Variants in MPP3 observed in about 807,000 individuals in gnomAD.
MPP3 encodes the protein MAGUK p55 scaffold protein 3, also known as MAGUK p55 subfamily member 3.
Under a neutral mutation model 80.7 loss-of-function variants are expected in MPP3, and 48 were observed. The ratio of observed to expected loss-of-function variants is 0.59; its 90% CI spans 0.47 to 0.76. The LOEUF (loss-of-function observed/expected upper bound fraction) is 0.76. Among genes scored for constraint, MPP3 ranks in the 30% least tolerant of loss-of-function variants. The pLI, the probability that MPP3 is intolerant of heterozygous loss-of-function variation, is 0.00. For missense variants in MPP3, 620 were observed against 763.0 expected (o/e 0.81, Z 2.21); for synonymous variants, 311 against 297.6 (o/e 1.04, Z -0.46).
rs1213099937 is a variant in MPP3 at position 43,820,336 on chromosome 17, C to T, written c.881+526G>A. 3.3e-5 allele frequency among the ~76,000 whole-genome samples: 5 copies of T among 152,220 alleles called. No homozygotes were observed. The Middle Eastern group carries it at 0.01, about 311-fold the overall frequency. Reference sequence around the variant, plus strand: ...TTAACTTAGGCTGGATCCAGTGGCTCATGCCTGTAATCCTAGCACTTTGGG... The same window carrying T: ...TTAACTTAGGCTGGATCCAGTGGCTTATGCCTGTAATCCTAGCACTTTGGG... On this transcript the variant is annotated intron_variant, in intron 11 of 19. Transcript: ENST00000398389.
chr17:43,806,753 C>T lies in MPP3; in HGVS notation c.1581+2203G>A, dbSNP rs143536855. On this transcript the variant is annotated intron_variant, in intron 19 of 19. Transcript: ENST00000398389. ...CCTCCCAAATAGCTGGGATTACAGG[C>T]GCGTGCCACCACACCCAGCTAATTT... Among the ~76,000 whole-genome samples, 946 of 151,862 alleles carry T rather than the reference C, an allele frequency of 6.2e-3. 11 individuals carry two copies. The highest frequency in any genetic ancestry group is 0.021 in the African/African-American group (884 of 41,402).
chr17:43,810,964 A>T (rs1281390041), intron 17 of MPP3, 49 bp from the exon 18 acceptor site: 1 of 1,504,710 alleles, frequency 6.6e-7, no homozygotes, highest in Non-Finnish European at 9.1e-7. Context: ...CAGCTTTCCT[A>T]AATTAGCAAA....
chr17:43,829,666 G>A lies in MPP3; in HGVS notation c.429C>T (p.Asn143=), dbSNP rs985569113. The A allele has an allele frequency of 1.2e-6, 2 of 1,613,978 alleles. No homozygotes were observed. Among genetic ancestry groups the A allele is most frequent in the South Asian group, 1.1e-5 (1 of 91,074 alleles). The change falls in exon 7 of 20, where the codon AAC becomes AAT. Residue 143 remains asparagine (N), a synonymous_variant. Transcript: ENST00000398389. ...CAGCAGCACCTACCAGGGGTTCCTT[G>A]TTCTTCACCAAGCGGACGATCTTCA... ...ESVKIVRLVK[N]KEPLGATIRR...
rs760120003 is a variant in MPP3, at chr17:43,823,947, C to T, written c.668G>A (p.Arg223His). 9.9e-6 allele frequency: 16 copies of T among 1,611,068 alleles called. No homozygotes were observed. The highest frequency in any genetic ancestry group is 1.2e-5 in the Non-Finnish European group (14 of 1,178,794). Residue 223 changes from arginine to histidine, a missense_variant, in exon 10 of 20, where the codon CGC becomes CAC. Coordinates refer to ENST00000398389, the MANE Select transcript of MPP3 (RefSeq NM_001932.6). ...KIIPATQEED[R>H]LKESKVFMRA... Reference sequence around the variant, plus strand: ...TCCCCATACCTTGCTCTCCTTTAAGCGATCTTCCTCCTGGGTGGCTGGGAT... The same window carrying T: ...TCCCCATACCTTGCTCTCCTTTAAGTGATCTTCCTCCTGGGTGGCTGGGAT...
intron 2 of MPP3, 159 bp from the exon 3 acceptor site, chr17:43,832,102 G>A (rs1382916684): frequency 1.6e-6 from 1 of 640,878 alleles, no homozygotes; most frequent in Admixed American, 2.9e-5. Flanking sequence ...AGGAAATAAA[G>A]CTAAGATGTG....
chr17:43,811,082 G>A lies in MPP3; in HGVS notation c.1349+30C>T, dbSNP rs531268339. On this transcript the variant is annotated intron_variant, in intron 17 of 19. Coordinates refer to ENST00000398389, the MANE Select transcript of MPP3 (RefSeq NM_001932.6). Reference sequence around the variant, plus strand: ...AGATACAAAAACACACAACTGCCTGGAGGGCCAACTGGCCCATCAAGCAAC... The same window carrying A: ...AGATACAAAAACACACAACTGCCTGAAGGGCCAACTGGCCCATCAAGCAAC... 1.1e-5 allele frequency: 18 copies of A among 1,582,984 alleles called. No individual in the cohort carries two copies. In the South Asian group the frequency reaches 1.9e-4, roughly 17 times the overall value.
At position 43,811,486 on chromosome 17, in the gene MPP3, A is replaced by G. The variant is rs973489349; in HGVS notation, c.1256-281T>C. 3.7e-5 allele frequency: 14 copies of G among 376,314 alleles called. No homozygotes were observed. The South Asian group carries it at 5.2e-4, about 14-fold the overall frequency. 23.3% of individuals were successfully genotyped at this position (376,314 alleles called of 1,614,324 possible). A position where few individuals can be genotyped will look rare whatever the true frequency, so the allele number is the denominator to read the frequency against. ...TCAGCACTGTGCACAGTGACCCACA[A>G]CCAGTAGAGAGCACAGCCAGAATCG... On this transcript the variant is annotated intron_variant, in intron 16 of 19. Transcript: ENST00000398389.
At chr17:43,805,454 A>C (rs1366421323) in intron 19 of MPP3, among the ~76,000 whole-genome samples, 1 of 152,214 alleles carries the variant, frequency 6.6e-6, no homozygotes, top group Non-Finnish European at 1.5e-5. Flanking sequence ...CAAGGTATAC[A>C]CCCAAGAGAA....
chr17:43,804,150 C>T lies in MPP3; in HGVS notation c.1582-2273G>A, dbSNP rs181800757. On this transcript the variant is annotated intron_variant, in intron 19 of 19. Coordinates refer to ENST00000398389, the MANE Select transcript of MPP3 (RefSeq NM_001932.6). ...TTGAAAAATGAGCCATTTCCCCCTG[C>T]TTATTCAATCCTGAAATATTTGCAA... Among the ~76,000 whole-genome samples the T allele has an allele frequency of 4.1e-3, 630 of 152,256 alleles. 3 individuals carry two copies. The highest frequency in any genetic ancestry group is 0.014 in the African/African-American group (601 of 41,532).
chr17:43,822,845 G>A (rs2045530358), intron 10 of MPP3, among the ~76,000 whole-genome samples: 1 of 152,038 alleles, frequency 6.6e-6, no homozygotes, highest in South Asian at 2.1e-4. Context: ...CTGGCCACTG[G>A]AACCTACTCA....
Position 43,825,774 on chromosome 17 carries a change from G to T in MPP3, c.591C>A (p.Asp197Glu). Residue 197 changes from aspartate to glutamate, a missense_variant, in exon 9 of 20, where the codon GAC becomes GAA. By Grantham distance (45) the Asp-to-Glu change is conservative. Transcript: ENST00000398389. ...NGIAVLHKRPDEISQILAQSQ... is the reference protein window; with the variant it reads ...NGIAVLHKRPEEISQILAQSQ... ...CACGGACCAGAATCTGGCTGATCTCGTCGGGCCGCTTGTGCAGGACTGCGA... is the reference window on the plus strand; with the variant it reads ...CACGGACCAGAATCTGGCTGATCTCTTCGGGCCGCTTGTGCAGGACTGCGA... 6.2e-7 allele frequency: 1 copy of T among 1,612,388 alleles called. No homozygotes were observed. The highest frequency in any genetic ancestry group is 8.5e-7 in the Non-Finnish European group (1 of 1,178,412).
intron 16 of MPP3, 174 bp from the exon 17 acceptor site, chr17:43,811,379 A>G (rs59044152): frequency 0.18 from 107,516 of 599,874 alleles, 11,122 homozygotes; most frequent in Non-Finnish European, 0.21. Context: ...CAGGCGTATC[A>G]CTGATTCACA....
intron 11 of MPP3, among the ~76,000 whole-genome samples, chr17:43,820,032 C>T (rs1156653672): frequency 1.3e-5 from 2 of 152,060 alleles, no homozygotes; most frequent in African/African-American, 2.4e-5. Flanking sequence ...GAAGCCTTGA[C>T]CTTTTTGGGC....
At chr17:43,817,881 C>G in intron 12 of MPP3, 165 bp downstream of exon 12, 1 of 317,970 alleles carries the variant, frequency 3.1e-6, no homozygotes, top group Non-Finnish European at 6.2e-6. Context: ...GGACTAGCTG[C>G]CCCCCACCTC....
chr17:43,818,007 G>A (rs993233152), intron 12 of MPP3, 39 bp downstream of exon 12: 45 of 1,493,322 alleles, frequency 3.0e-5, no homozygotes, highest in Non-Finnish European at 3.6e-5. Context: ...CCCTAACCCC[G>A]GGCCCTCCCT....
At chr17:43,805,034 G>A (rs8080941) in intron 19 of MPP3, among the ~76,000 whole-genome samples, 2,548 of 152,044 alleles carry the variant, frequency 0.017, 69 homozygotes, top group African/African-American at 0.057. Flanking sequence ...AAAAGAAAGT[G>A]AAAAGACAAC....
At chr17:43,801,924 T>A (rs1487353537) in intron 19 of MPP3, 47 bp from the exon 20 acceptor site, 5 of 1,574,500 alleles carry the variant, frequency 3.2e-6, no homozygotes, top group Non-Finnish European at 8.6e-7. Flanking sequence ...TGTTCTCCTA[T>A]AACAAACCTA....
At chr17:43,817,903 C>T (rs1567810828) in intron 12 of MPP3, 143 bp downstream of exon 12, 2 of 475,818 alleles carry the variant, frequency 4.2e-6, no homozygotes, top group South Asian at 2.6e-5. Context: ...TACTTCCCAC[C>T]CCCTCCTTCC....
chr17:43,813,370 C>A (rs952490512), intron 16 of MPP3, among the ~76,000 whole-genome samples: 20 of 152,152 alleles, frequency 1.3e-4, no homozygotes, highest in African/African-American at 4.8e-4. Context: ...AGGGCTGACG[C>A]AGGGCACTAC....
Sources: allele counts gnomAD v4.1 joint callset (sites outside exome capture counted in the v4.1 genomes callset), GRCh38; gene constraint gnomAD v4.1.1; transcripts MANE v1.5; gene names NCBI Gene and HGNC (gene_info 2026-07-23, HGNC 2026-07-21).